ATP8A2: variants seen among roughly 807,000 people sequenced by gnomAD.
ATP8A2 encodes the protein ATPase phospholipid transporting 8A2.
ATP8A2 carries 100 observed loss-of-function variants against 165.6 expected under a neutral mutation model. The observed-to-expected ratio is 0.60, with a 90% CI of 0.51 to 0.71. ATP8A2 has a LOEUF of 0.71. ATP8A2 is among the 30% of genes least tolerant of loss of function. The pLI is 0.00. For synonymous variants in ATP8A2, 543 were observed against 548.8 expected, an observed-to-expected ratio of 0.99 and a Z score of 0.15; for missense variants, 1,227 against 1,479.5, an observed-to-expected ratio of 0.83 and a Z score of 2.80.
intron 24 of ATP8A2, among the ~76,000 whole-genome samples, chr13:25,681,366 T>C (rs2042484292): frequency 6.6e-6 from 1 of 152,236 alleles, no homozygotes; most frequent in Non-Finnish European, 1.5e-5. Flanking sequence ...ATTTTTCCCA[T>C]ATTGAGTGTA....
intron 2 of ATP8A2, among the ~76,000 whole-genome samples, chr13:25,526,287 T>C (rs2037838050): frequency 6.6e-6 from 1 of 152,150 alleles, no homozygotes; most frequent in South Asian, 2.1e-4. Context: ...CACCATCTTG[T>C]TAGGGTTAGT....
At chr13:25,811,480 A>T (rs1293068432) in intron 27 of ATP8A2, among the ~76,000 whole-genome samples, 2 of 152,180 alleles carry the variant, frequency 1.3e-5, no homozygotes, top group Non-Finnish European at 2.9e-5. Context: ...GATATATTTA[A>T]TATCATTAAA....
chr13:25,755,084 G>A (rs1037035958), intron 25 of ATP8A2, among the ~76,000 whole-genome samples: 3 of 152,164 alleles, frequency 2.0e-5, no homozygotes, highest in African/African-American at 7.2e-5. Context: ...GCTGTTTGAC[G>A]TTGCTTGAGG....
intron 33 of ATP8A2, among the ~76,000 whole-genome samples, chr13:25,920,302 T>G (rs1166256510): frequency 1.3e-5 from 2 of 152,182 alleles, no homozygotes; most frequent in Non-Finnish European, 2.9e-5. Flanking sequence ...TGCACGTGTA[T>G]GACCTCCAAA....
At chr13:25,707,375 G>A (rs1273494284) in intron 25 of ATP8A2, among the ~76,000 whole-genome samples, 4 of 152,102 alleles carry the variant, frequency 2.6e-5, no homozygotes, top group South Asian at 2.1e-4. Flanking sequence ...GATTTCTGAC[G>A]TTTTGATTCC....
intron 24 of ATP8A2, among the ~76,000 whole-genome samples, chr13:25,647,751 T>C (rs1230811143): frequency 6.6e-6 from 1 of 152,030 alleles, no homozygotes; most frequent in Admixed American, 6.6e-5. Flanking sequence ...AATGGCGTGG[T>C]CTCGGCTCAC....
chr13:25,556,779 C>T (rs995144312), intron 13 of ATP8A2, among the ~76,000 whole-genome samples: 3 of 152,148 alleles, frequency 2.0e-5, no homozygotes, highest in Admixed American at 1.3e-4. Flanking sequence ...AGTAACTTAT[C>T]GAAGGACACC....
chr13:25,504,906 A>C (rs927969910), intron 2 of ATP8A2, among the ~76,000 whole-genome samples: 1 of 152,152 alleles, frequency 6.6e-6, no homozygotes, highest in Non-Finnish European at 1.5e-5. Flanking sequence ...TGCTTGGGTC[A>C]GTGGGCTTGA....
chr13:25,556,321 A>G (rs1465614127), intron 13 of ATP8A2, among the ~76,000 whole-genome samples: 1 of 152,078 alleles, frequency 6.6e-6, no homozygotes, highest in Non-Finnish European at 1.5e-5. Context: ...CTGGTGTGAG[A>G]TGGTATCTCA....
chr13:25,880,501 C>G (rs1002512254), intron 33 of ATP8A2, among the ~76,000 whole-genome samples: 4 of 152,142 alleles, frequency 2.6e-5, no homozygotes, highest in African/African-American at 9.7e-5. Context: ...AAGTTGCTCT[C>G]CAGCCATAAT....
At position 25,577,110 on chromosome 13, in the gene ATP8A2, G is replaced by T; in HGVS notation, c.1754G>T (p.Gly585Val). ...RMSVIVRTPS[G>V]RLRLYCKGAD... is the part of the protein sequence containing the mutation. ...TCTGTAATTGTTCGAACTCCTTCAGGACGACTTCGGCTTTACTGTAAAGGG... is the reference window on the plus strand; with the variant it reads ...TCTGTAATTGTTCGAACTCCTTCAGTACGACTTCGGCTTTACTGTAAAGGG... Residue 585 changes from glycine to valine, a missense_variant, in exon 20 of 37, where the codon GGA becomes GTA. Around this residue, in one of 5 missense-constraint regions of ATP8A2, gnomAD observed 592 missense variants for 785.6 expected, o/e 0.75. Coordinates refer to ENST00000381655, the MANE Select transcript of ATP8A2 (RefSeq NM_016529.6). 6.2e-7 allele frequency: 1 copy of T among 1,614,036 alleles called. No individual in the cohort carries two copies. The highest frequency in any genetic ancestry group is 8.5e-7 in the Non-Finnish European group (1 of 1,179,946).
At chr13:25,482,513 G>C (rs145305777) in intron 2 of ATP8A2, among the ~76,000 whole-genome samples, 328 of 152,220 alleles carry the variant, frequency 2.2e-3, no homozygotes, top group South Asian at 0.012. Flanking sequence ...GCCAGACATG[G>C]GGAACCCCAT....
chr13:25,963,152 T>C (rs927223430), intron 34 of ATP8A2, among the ~76,000 whole-genome samples: 6 of 151,944 alleles, frequency 3.9e-5, no homozygotes, highest in Non-Finnish European at 8.8e-5. Flanking sequence ...TCTCAACACT[T>C]TGGGAGGCCG....
intron 2 of ATP8A2, among the ~76,000 whole-genome samples, chr13:25,472,388 C>A (rs9652086): frequency 5.9e-5 from 8 of 135,408 alleles, no homozygotes; most frequent in Non-Finnish European, 7.8e-5. Flanking sequence ...AGCAAGACTC[C>A]GTCTCAAAAA....
intron 24 of ATP8A2, among the ~76,000 whole-genome samples, chr13:25,590,712 G>T (rs970342807): frequency 2.0e-5 from 3 of 152,152 alleles, no homozygotes; most frequent in African/African-American, 7.2e-5. Flanking sequence ...TTTAGCCAAT[G>T]CCAGGGGCAG....
chr13:25,707,270 A>G (rs1376320139), intron 25 of ATP8A2, among the ~76,000 whole-genome samples: 1 of 152,218 alleles, frequency 6.6e-6, no homozygotes, highest in Non-Finnish European at 1.5e-5. Context: ...TGATGATAGC[A>G]CATTTAGAAA....
chr13:25,667,280 A>G (rs915383221), intron 24 of ATP8A2, among the ~76,000 whole-genome samples: 3 of 152,128 alleles, frequency 2.0e-5, no homozygotes, highest in African/African-American at 7.2e-5. Context: ...CGACACACAC[A>G]TGTTGAAATT....
chr13:25,671,177 G>T (rs2042255073), intron 24 of ATP8A2, among the ~76,000 whole-genome samples: 1 of 152,170 alleles, frequency 6.6e-6, no homozygotes, highest in African/African-American at 2.4e-5. Context: ...AGATTTCATG[G>T]ACACTTATCA....
At chr13:25,553,988 AGC>A in intron 12 of ATP8A2, 68 bp downstream of exon 12, 1 of 1,514,680 alleles carries the variant, frequency 6.6e-7, no homozygotes, top group South Asian at 1.2e-5. Context: ...CATTTAATTG[AGC>A]ACTCAAAAAA....
Sources: gnomAD v4.1 joint callset for allele counts (sites outside exome capture counted in the v4.1 genomes callset) on GRCh38, gnomAD v4.1.1 for gene constraint, gnomAD v4.1.1 regional missense constraint, MANE v1.5 for transcripts, NCBI Gene and HGNC (gene_info 2026-07-23, HGNC 2026-07-21) for gene names.